RUNDC3B: variants seen among roughly 807,000 people sequenced by gnomAD.
The protein encoded by RUNDC3B is RUN domain containing 3B.
RUNDC3B carries 33 observed loss-of-function variants against 58.4 expected under a neutral mutation model. The observed-to-expected ratio is 0.56, with a 90% CI of 0.43 to 0.75. The LOEUF (loss-of-function observed/expected upper bound fraction) is 0.75, where lower values mean the gene tolerates loss of function less well. Among genes scored for constraint, RUNDC3B ranks in the 30% least tolerant of loss-of-function variants. The pLI, the probability that RUNDC3B is intolerant of heterozygous loss-of-function variation, is 0.00. For synonymous variants in RUNDC3B, 193 were observed against 195.2 expected, an observed-to-expected ratio of 0.99 and a Z score of 0.10; for missense variants, 501 against 535.7, an observed-to-expected ratio of 0.94 and a Z score of 0.64.
intron 6 of RUNDC3B, among the ~76,000 whole-genome samples, chr7:87,759,420 A>G (rs146030298): frequency 2.0e-5 from 3 of 152,258 alleles, no homozygotes; most frequent in Admixed American, 1.3e-4. Context: ...TGATAGCCCA[A>G]TGGGTGACTG....
intron 4 of RUNDC3B, among the ~76,000 whole-genome samples, chr7:87,713,682 G>A (rs949432442): frequency 3.3e-5 from 5 of 150,668 alleles, no homozygotes; most frequent in Admixed American, 1.3e-4. Context: ...ACTTCTTTTG[G>A]TAGGTTACTG....
chr7:87,651,386 A>C (rs1339511222), intron 2 of RUNDC3B, among the ~76,000 whole-genome samples: 1 of 152,128 alleles, frequency 6.6e-6, no homozygotes, highest in African/African-American at 2.4e-5. Context: ...TGATTTTCTT[A>C]AATCAAAAAG....
At chr7:87,727,290 G>T (rs944758264) in intron 4 of RUNDC3B, among the ~76,000 whole-genome samples, 1 of 151,932 alleles carries the variant, frequency 6.6e-6, no homozygotes, top group Admixed American at 6.6e-5. Context: ...TGCAAGGCTG[G>T]TTCAACATAT....
At chr7:87,716,369 CTT>C (rs1484830292) in intron 4 of RUNDC3B, among the ~76,000 whole-genome samples, 1 of 152,164 alleles carries the variant, frequency 6.6e-6, no homozygotes, top group Admixed American at 6.6e-5. Flanking sequence ...TTTACAAAAA[CTT>C]TTGAATTCTC....
chr7:87,825,284 A>G (rs1837738274), intron 10 of RUNDC3B, among the ~76,000 whole-genome samples: 1 of 152,214 alleles, frequency 6.6e-6, no homozygotes. Flanking sequence ...AGAGATTTGC[A>G]TAAGTAACAA....
intron 9 of RUNDC3B, among the ~76,000 whole-genome samples, chr7:87,812,062 TAACAC>T (rs1472177379): frequency 1.3e-5 from 2 of 152,224 alleles, no homozygotes; most frequent in Admixed American, 1.3e-4. Context: ...TTATTAACCT[TAACAC>T]AATACTGGGC....
intron 6 of RUNDC3B, among the ~76,000 whole-genome samples, chr7:87,757,802 A>C (rs556752078): frequency 1.3e-5 from 2 of 152,312 alleles, no homozygotes; most frequent in East Asian, 3.9e-4. Context: ...CCAGCATAAA[A>C]ATAGACATAC....
chr7:87,673,509 T>A (rs1265625915), intron 2 of RUNDC3B, among the ~76,000 whole-genome samples: 1 of 152,250 alleles, frequency 6.6e-6, no homozygotes, highest in African/African-American at 2.4e-5. Flanking sequence ...GAATCTGCTA[T>A]TAATACTTGT....
intron 1 of RUNDC3B, among the ~76,000 whole-genome samples, chr7:87,649,388 G>A (rs901434089): frequency 1.3e-5 from 2 of 152,186 alleles, no homozygotes; most frequent in Admixed American, 6.5e-5. Flanking sequence ...TTCAGAAAGC[G>A]TGGTTCTGCC....
At chr7:87,652,548 T>C (rs947242326) in intron 2 of RUNDC3B, among the ~76,000 whole-genome samples, 1 of 151,132 alleles carries the variant, frequency 6.6e-6, no homozygotes, top group Non-Finnish European at 1.5e-5. Context: ...GCTGATACAG[T>C]ACGAATTGTG....
intron 10 of RUNDC3B, among the ~76,000 whole-genome samples, chr7:87,825,355 C>T (rs2130973856): frequency 6.6e-6 from 1 of 152,346 alleles, no homozygotes; most frequent in East Asian, 1.9e-4. Context: ...GCCTTGGCAG[C>T]TTCCACGTGG....
At chr7:87,630,062 T>A (rs1456709821) in intron 1 of RUNDC3B, among the ~76,000 whole-genome samples, 1 of 152,188 alleles carries the variant, frequency 6.6e-6, no homozygotes, top group Non-Finnish European at 1.5e-5. Context: ...CTTAGGAACT[T>A]CTCTGAGCCA....
At chr7:87,736,411 G>A (rs1377342762) in intron 4 of RUNDC3B, among the ~76,000 whole-genome samples, 1 of 151,986 alleles carries the variant, frequency 6.6e-6, no homozygotes, top group Non-Finnish European at 1.5e-5. Context: ...TGGACACCAA[G>A]GTGGCATTAT....
Position 87,655,747 on chromosome 7 carries a change from G to C in RUNDC3B, c.238+4810G>C, listed in dbSNP as rs538378073. 2.0e-5 allele frequency among the ~76,000 whole-genome samples: 3 copies of C among 152,166 alleles called. No homozygotes were observed. In the East Asian group the frequency reaches 5.8e-4, roughly 29 times the overall value. ...AAAATGATAAGTATGTGAGGGCTGT[G>C]GTTTAAATGTGTCCCCTCAAATTCA... On this transcript the variant is annotated intron_variant, in intron 2 of 10. Transcript: ENST00000394654.
chr7:87,728,970 A>T (rs762261514), intron 4 of RUNDC3B, among the ~76,000 whole-genome samples: 5 of 152,076 alleles, frequency 3.3e-5, no homozygotes, highest in Non-Finnish European at 7.4e-5. Context: ...TCTATTCATG[A>T]GGGCTGTTTT....
At chr7:87,678,503 GAACATTAA>G (rs1826602683) in intron 2 of RUNDC3B, among the ~76,000 whole-genome samples, 1 of 151,910 alleles carries the variant, frequency 6.6e-6, no homozygotes, top group African/African-American at 2.4e-5. Context: ...AATTAAAATG[GAACATTAA>G]AACATTAAAG....
rs568807188 is a variant in RUNDC3B at position 87,659,111 on chromosome 7, G to T, written c.238+8174G>T. 97 of 300,148 alleles carry T rather than the reference G, an allele frequency of 3.2e-4. 1 individual carries two copies. Among genetic ancestry groups the T allele is most frequent in the South Asian group, 2.0e-3 (68 of 34,140 alleles). 18.6% of individuals were successfully genotyped at this position (300,148 alleles called of 1,614,324 possible). A position where few individuals can be genotyped will look rare whatever the true frequency, so the allele number is the denominator to read the frequency against. ...TGAGGCTGCAGTGAGCTGTGATCGT[G>T]CCATCATGCCACTGCAATCTAGCCT... On this transcript the variant is annotated intron_variant, in intron 2 of 10. Transcript: ENST00000394654.
At chr7:87,716,875 C>T (rs1213295098) in intron 4 of RUNDC3B, among the ~76,000 whole-genome samples, 5 of 152,298 alleles carry the variant, frequency 3.3e-5, no homozygotes, top group African/African-American at 9.6e-5. Flanking sequence ...CTCACTCTGT[C>T]TTCTAGGCTG....
At chr7:87,798,390 GTTTGT>G (rs1835928111) in intron 8 of RUNDC3B, among the ~76,000 whole-genome samples, 1 of 152,108 alleles carries the variant, frequency 6.6e-6, no homozygotes, top group African/African-American at 2.4e-5. Flanking sequence ...AACACTTCTT[GTTTGT>G]TTTGTTTGTT....
Sources: gnomAD v4.1 joint callset for allele counts (sites outside exome capture counted in the v4.1 genomes callset) on GRCh38, gnomAD v4.1.1 for gene constraint, MANE v1.5 for transcripts, NCBI Gene and HGNC (gene_info 2026-07-23, HGNC 2026-07-21) for gene names.